Variants in GHR observed in about 807,000 individuals in gnomAD.
GHR encodes GH receptor.
GHR carries 35 observed loss-of-function variants against 67.1 expected under a neutral mutation model. The ratio of observed to expected loss-of-function variants is 0.52; its 90% CI spans 0.40 to 0.69. The LOEUF is 0.69. Ranked by LOEUF, GHR falls within the 30% of genes least tolerant of loss-of-function variation. The pLI is 0.00. For synonymous variants in GHR, 272 were observed against 269.1 expected (o/e 1.01, Z -0.10); for missense variants, 792 against 764.6 (o/e 1.04, Z -0.42).
intron 1 of GHR, among the ~76,000 whole-genome samples, chr5:42,495,141 G>T (rs935672598): frequency 1.3e-5 from 2 of 151,678 alleles, no homozygotes; most frequent in African/African-American, 4.8e-5. Context: ...TTGCTTGAAG[G>T]TACTTGTTCT....
intron 8 of GHR, among the ~76,000 whole-genome samples, chr5:42,716,366 G>A (rs1370435740): frequency 3.3e-5 from 5 of 152,164 alleles, no homozygotes; most frequent in African/African-American, 1.2e-4. Context: ...TAAGTGAAAT[G>A]TTTAGTGCAG....
intron 1 of GHR, among the ~76,000 whole-genome samples, chr5:42,434,646 A>G (rs1223393546): frequency 1.3e-5 from 2 of 152,240 alleles, no homozygotes; most frequent in East Asian, 1.9e-4. Context: ...AACATGGGCT[A>G]TAACTATGGA....
rs34853905 is a variant in GHR at position 42,718,663 on chromosome 5, C to T, written c.1156C>T (p.Arg386Cys). 5.5e-4 allele frequency: 894 copies of T among 1,614,084 alleles called. No individual in the cohort carries two copies. The highest frequency in any genetic ancestry group is 6.8e-4 in the Admixed American group (41 of 60,020). Residue 386 changes from arginine (R) to cysteine (C), a missense_variant, in exon 10 of 10, where the codon CGT becomes TGT. Physicochemically the swap from Arg to Cys is radical, Grantham distance 180. Transcript: ENST00000230882. ...AGGGGTGAAGGATGGCGACTCTGGA[C>T]GTACCAGCTGTTGTGAACCTGACAT... ...NLGVKDGDSG[R>C]TSCCEPDILE...
intron 1 of GHR, chr5:42,467,219 A>C: frequency 1.3e-6 from 2 of 1,505,466 alleles, no homozygotes; most frequent in Non-Finnish European, 1.8e-6. Flanking sequence ...CTGCAGTCAT[A>C]AGGTTTCTCT....
At chr5:42,534,206 GTATATA>G (rs372494105) in intron 1 of GHR, among the ~76,000 whole-genome samples, 1 of 131,212 alleles carries the variant, frequency 7.6e-6, no homozygotes, top group African/African-American at 2.9e-5. Context: ...GTGTATATAT[GTATATA>G]TGTATATATG....
intron 1 of GHR, among the ~76,000 whole-genome samples, chr5:42,501,555 G>T (rs997492508): frequency 9.9e-5 from 15 of 151,958 alleles, no homozygotes; most frequent in Non-Finnish European, 1.2e-4. Flanking sequence ...TGACATTTTG[G>T]GCCAGATAAT....
At chr5:42,553,456 C>G (rs1370109811) in intron 1 of GHR, among the ~76,000 whole-genome samples, 1 of 152,168 alleles carries the variant, frequency 6.6e-6, no homozygotes. Context: ...TATGTACCCC[C>G]TTCCAGCAAC....
chr5:42,711,516 C>A, intron 7 of GHR, 144 bp downstream of exon 7: 1 of 697,720 alleles, frequency 1.4e-6, no homozygotes, highest in Non-Finnish European at 2.6e-6. Context: ...AGCTCACTAT[C>A]TGTAACAGAT....
intron 4 of GHR, among the ~76,000 whole-genome samples, chr5:42,692,512 A>G (rs1019367899): frequency 4.6e-5 from 7 of 152,186 alleles, no homozygotes; most frequent in Admixed American, 2.0e-4. Context: ...TACATTTAAT[A>G]GTTTAAAATA....
chr5:42,534,093 A>T (rs1191582575), intron 1 of GHR, among the ~76,000 whole-genome samples: 1 of 147,698 alleles, frequency 6.8e-6, no homozygotes, highest in Non-Finnish European at 1.5e-5. Context: ...TATATATGTA[A>T]GTATATATGT....
intron 6 of GHR, among the ~76,000 whole-genome samples, chr5:42,708,810 A>C (rs1462358493): frequency 6.6e-6 from 1 of 152,182 alleles, no homozygotes; most frequent in Non-Finnish European, 1.5e-5. Flanking sequence ...GTTCAGGGCT[A>C]TATCCCAACA....
Position 42,699,836 on chromosome 5 carries a change from C to A in GHR, c.452C>A (p.Pro151Gln). 1 of 1,607,922 alleles carries A rather than the reference C, an allele frequency of 6.2e-7. No homozygotes were observed. Among genetic ancestry groups the A allele is most frequent in the Non-Finnish European group, 8.5e-7 (1 of 1,174,404 alleles). ...TTGAATTGCACAGTGCAACCAGATC[C>A]ACCCATTGCCCTCAACTGGACTTTA... The part of the protein sequence containing the change: ...FSVDEIVQPD[P>Q]PIALNWTLLN... Residue 151 changes from proline to glutamine, a missense_variant, in exon 6 of 10, where the codon CCA becomes CAA. Coordinates refer to ENST00000230882, the MANE Select transcript of GHR (RefSeq NM_000163.5).
intron 1 of GHR, among the ~76,000 whole-genome samples, chr5:42,461,189 T>C (rs941178406): frequency 2.6e-5 from 4 of 152,138 alleles, no homozygotes; most frequent in African/African-American, 9.7e-5. Flanking sequence ...CTTGTAATAG[T>C]GGAGGGAAGG....
Position 42,719,288 on chromosome 5 carries a change from A to G in GHR, c.1781A>G (p.Asp594Gly), listed in dbSNP as rs1201060261. ...CCAGGTTCTGAGATGCCTGTCCCAG[A>G]CTATACCTCCATTCATATAGTACAG... ...HVPGSEMPVP[D>G]YTSIHIVQSP... Residue 594 changes from aspartate (D) to glycine (G), a missense_variant, in exon 10 of 10, where the codon GAC (aspartate) becomes GGC (glycine). By Grantham distance (94) the Asp-to-Gly change is moderately conservative. Transcript: ENST00000230882. 6.2e-7 allele frequency: 1 copy of G among 1,614,180 alleles called. No individual in the cohort carries two copies. Among genetic ancestry groups the G allele is most frequent in the Non-Finnish European group, 8.5e-7 (1 of 1,180,020 alleles).
Position 42,689,034 on chromosome 5 carries a change from C to G in GHR, c.266+15C>G, listed in dbSNP as rs1487879889. The G allele has an allele frequency of 1.2e-6, 2 of 1,611,370 alleles. No homozygotes were observed. The highest frequency in any genetic ancestry group is 2.2e-5 in the South Asian group (2 of 91,034). On this transcript the variant is annotated intron_variant, in intron 4 of 9. Transcript: ENST00000230882. ...TATACCAGAAGGTGCCACCATCATG[C>G]CTTTCTGATTTTCCTCTCCATGGAT...
intron 6 of GHR, among the ~76,000 whole-genome samples, chr5:42,710,098 C>T (rs1758382450): frequency 6.6e-6 from 1 of 151,824 alleles, no homozygotes. Context: ...ATTCAGTGTC[C>T]TGCCTTAAAG....
intron 1 of GHR, among the ~76,000 whole-genome samples, chr5:42,460,930 G>T (rs1367663068): frequency 6.6e-6 from 1 of 152,092 alleles, no homozygotes; most frequent in African/African-American, 2.4e-5. Flanking sequence ...CATTTGAGAG[G>T]CTCAAAGAGG....
rs73081500 is a variant in GHR, at chr5:42,425,012, A to G, written c.-12+1057A>G. On this transcript the variant is annotated intron_variant, in intron 1 of 9. Coordinates refer to ENST00000230882, the MANE Select transcript of GHR (RefSeq NM_000163.5). Reference sequence around the variant, plus strand: ...GTGCCGCCTGTCTGTTTGTGCCGCCAGGAGACCTTGGAAGGGACAGAGAAA... The same window carrying G: ...GTGCCGCCTGTCTGTTTGTGCCGCCGGGAGACCTTGGAAGGGACAGAGAAA... 1,121 of 985,366 alleles carry G rather than the reference A, an allele frequency of 1.1e-3. 15 individuals carry two copies. The African/African-American group carries it at 0.017, about 15-fold the overall frequency. The allele number at this position is 985,366 out of a possible 1,614,324, so 61.0% of individuals were successfully genotyped here.
chr5:42,545,058 A>G (rs1392317975), intron 1 of GHR, among the ~76,000 whole-genome samples: 1 of 152,116 alleles, frequency 6.6e-6, no homozygotes, highest in Admixed American at 6.6e-5. Flanking sequence ...ATTCTTATGT[A>G]TCTGTCTCTC....
Sources: allele counts gnomAD v4.1 joint callset (sites outside exome capture counted in the v4.1 genomes callset), GRCh38; gene constraint gnomAD v4.1.1; transcripts MANE v1.5; gene names NCBI Gene and HGNC (gene_info 2026-07-23, HGNC 2026-07-21).